Variants in FREM2 observed in about 807,000 individuals in gnomAD.
FREM2 encodes FRAS1 related extracellular matrix 2, also known as FRAS1-related extracellular matrix protein 2.
In FREM2, 119 loss-of-function variants were observed where a neutral mutation model predicts 219.9. The observed-to-expected ratio is 0.54, with a 90% CI of 0.47 to 0.63. FREM2 has a LOEUF of 0.63. Ranked by LOEUF, FREM2 falls within the 30% of genes least tolerant of loss-of-function variation. The probability of loss-of-function intolerance (pLI) is 0.00; values close to 1 mark genes in which losing one functional copy is unlikely to be tolerated. For missense variants in FREM2, 4,030 were observed against 3,993.6 expected (o/e 1.01, Z -0.25); for synonymous variants, 1,562 against 1,522.8 (o/e 1.03, Z -0.60).
intron 6 of FREM2, among the ~76,000 whole-genome samples, chr13:38,796,083 C>A (rs1343688778): frequency 6.6e-6 from 1 of 151,926 alleles, no homozygotes; most frequent in African/African-American, 2.4e-5. Context: ...AGGTGGCTGG[C>A]AAATCAGGTT....
rs1195117275 is a variant in FREM2, at chr13:38,687,722, C to G, written c.378C>G (p.Arg126=). 1.3e-6 allele frequency: 2 copies of G among 1,552,902 alleles called. No homozygotes were observed. The highest frequency in any genetic ancestry group is 1.8e-5 in the Admixed American group (1 of 54,134). The change falls in exon 1 of 24, where the codon CGC becomes CGG. Residue 126 remains arginine (R), a synonymous_variant. Coordinates refer to ENST00000280481, the MANE Select transcript of FREM2 (RefSeq NM_207361.6). ...AQRPGRLSPK[R]FPCDFGPGEV... is the part of the protein sequence containing the mutation. ...GACCGGGCCGCCTGAGTCCCAAGCG[C>G]TTCCCGTGCGACTTTGGCCCTGGCG...
chr13:38,767,366 A>G (rs922971757), intron 3 of FREM2, among the ~76,000 whole-genome samples: 4 of 152,206 alleles, frequency 2.6e-5, no homozygotes, highest in Non-Finnish European at 5.9e-5. Flanking sequence ...AACTCATTTA[A>G]TATCAGATGG....
rs759431142 is a variant in FREM2 at position 38,880,812 on chromosome 13, T to C, written c.*25T>C. 2.3e-5 allele frequency: 37 copies of C among 1,613,410 alleles called. No individual in the cohort carries two copies. In the Middle Eastern group the frequency reaches 4.9e-4, roughly 22 times the overall value. On this transcript the variant is annotated 3_prime_UTR_variant, in exon 24 of 24. Coordinates refer to ENST00000280481, the MANE Select transcript of FREM2 (RefSeq NM_207361.6). Reference sequence around the variant, plus strand: ...ATGACTGCAGGTAGAATTCAACCTTTTCCGTAAGTGCCTCGGAAAAGATCA... The same window carrying C: ...ATGACTGCAGGTAGAATTCAACCTTCTCCGTAAGTGCCTCGGAAAAGATCA...
Position 38,784,583 on chromosome 13 carries a change from TC to T in FREM2, c.5796del (p.Val1933CysfsTer31). ...AACAGCAACTGGAACTGTGCCGACT[TC>T]CGTGTTGTCTTACTCTGATTACATA... ...QGTATGTVPT[S>X]VLSYSDYISR... is the part of the protein sequence containing the mutation. On this transcript the variant is annotated frameshift_variant, in exon 6 of 24. Coordinates refer to ENST00000280481, the MANE Select transcript of FREM2 (RefSeq NM_207361.6). LOFTEE classifies it high-confidence loss of function. 6.2e-7 allele frequency: 1 copy of T among 1,614,178 alleles called. No homozygotes were observed. Among genetic ancestry groups the T allele is most frequent in the Non-Finnish European group, 8.5e-7 (1 of 1,180,004 alleles).
At chr13:38,855,994 C>T in intron 11 of FREM2, 132 bp from the exon 12 acceptor site, 1 of 623,688 alleles carries the variant, frequency 1.6e-6, no homozygotes, top group Non-Finnish European at 2.8e-6. Context: ...ACACACACAC[C>T]CAAATATACT....
chr13:38,846,670 G>A lies in FREM2; in HGVS notation c.6117G>A (p.Lys2039=), dbSNP rs1386822462. ...GGAGAACGGGCACTGACCTGTCCAAGTCTTCTAGTGTCACAGTGAGGTCTC... is the reference window on the plus strand; with the variant it reads ...GGAGAACGGGCACTGACCTGTCCAAATCTTCTAGTGTCACAGTGAGGTCTC... The part of the protein sequence containing the change: ...QVWRTGTDLS[K]SSSVTVRSRK... The change falls in exon 7 of 24, where the codon AAG becomes AAA. Residue 2039 remains lysine (K), a synonymous_variant. Transcript: ENST00000280481. 6.2e-7 allele frequency: 1 copy of A among 1,613,888 alleles called. No individual in the cohort carries two copies. The highest frequency in any genetic ancestry group is 1.1e-5 in the South Asian group (1 of 91,090).
At chr13:38,831,760 C>T (rs1876519641) in intron 6 of FREM2, among the ~76,000 whole-genome samples, 1 of 147,632 alleles carries the variant, frequency 6.8e-6, no homozygotes, top group Admixed American at 6.9e-5. Context: ...CAGGTGTGCA[C>T]CTCATGCCAG....
rs764651386 is a variant in FREM2, at chr13:38,687,539, G to A, written c.195G>A (p.Gly65=). Residue 65 remains glycine (G), a synonymous_variant, in exon 1 of 24, where the codon GGG becomes GGA. Coordinates refer to ENST00000280481, the MANE Select transcript of FREM2 (RefSeq NM_207361.6). ...LLSPGLAGAA[G]VPAEEAIVLA... ...CCCCTGGTCTCGCGGGGGCTGCAGG[G>A]GTCCCTGCTGAGGAGGCCATAGTGC... 2 of 1,601,034 alleles carry A rather than the reference G, an allele frequency of 1.2e-6. No homozygotes were observed. Among genetic ancestry groups the A allele is most frequent in the Admixed American group, 1.7e-5 (1 of 58,820 alleles).
intron 6 of FREM2, among the ~76,000 whole-genome samples, chr13:38,832,592 T>G (rs1266517016): frequency 6.6e-6 from 1 of 152,144 alleles, no homozygotes; most frequent in Admixed American, 6.5e-5. Context: ...TATAATAATT[T>G]TATACATACC....
intron 6 of FREM2, among the ~76,000 whole-genome samples, chr13:38,831,045 C>G (rs1195286648): frequency 6.6e-6 from 1 of 152,086 alleles, no homozygotes; most frequent in Non-Finnish European, 1.5e-5. Context: ...CTGTGACCAC[C>G]TTTGGGAAAC....
At chr13:38,785,986 CAT>C (rs894014098) in intron 6 of FREM2, among the ~76,000 whole-genome samples, 5 of 152,148 alleles carry the variant, frequency 3.3e-5, no homozygotes, top group African/African-American at 1.2e-4. Context: ...TGTTTAGACA[CAT>C]ATAAAATATA....
chr13:38,730,533 A>T (rs9548442), intron 2 of FREM2, among the ~76,000 whole-genome samples: 18,262 of 152,184 alleles, frequency 0.12, 1,290 homozygotes, highest in Middle Eastern at 0.24. Flanking sequence ...GGAATGTTGG[A>T]TTGCTGGAGA....
At chr13:38,761,801 C>T (rs1323909288) in intron 2 of FREM2, among the ~76,000 whole-genome samples, 1 of 152,014 alleles carries the variant, frequency 6.6e-6, no homozygotes, top group Non-Finnish European at 1.5e-5. Context: ...GGCAAGAGGA[C>T]AAGGGTGATG....
Position 38,784,853 on chromosome 13 carries a change from A to G in FREM2, c.6019+45A>G, listed in dbSNP as rs373712130. 5.3e-5 allele frequency: 85 copies of G among 1,597,236 alleles called. No homozygotes were observed. The African/African-American group carries it at 8.2e-4, about 15-fold the overall frequency. On this transcript the variant is annotated intron_variant, in intron 6 of 23. Transcript: ENST00000280481. ...AAAATTCTTTTTCCCGGGAAGATCAACATCAGGAACAACTTTCTAGACAGA... is the reference window on the plus strand; with the variant it reads ...AAAATTCTTTTTCCCGGGAAGATCAGCATCAGGAACAACTTTCTAGACAGA...
At chr13:38,838,817 A>C (rs1177395248) in intron 6 of FREM2, among the ~76,000 whole-genome samples, 3 of 151,952 alleles carry the variant, frequency 2.0e-5, no homozygotes, top group Non-Finnish European at 4.4e-5. Flanking sequence ...CCATCAGTTC[A>C]TTTATGTTCT....
Position 38,766,617 on chromosome 13 carries a change from C to T in FREM2, c.5410+2167C>T, listed in dbSNP as rs563365816. Among the ~76,000 whole-genome samples the T allele has an allele frequency of 2.0e-5, 3 of 152,246 alleles. No individual in the cohort carries two copies. In the East Asian group the frequency reaches 5.8e-4, roughly 29 times the overall value. The stretch of plus-strand genomic sequence containing the variant: ...TGCATTATAGCAAAAGACAGAGTAT[C>T]GCTTGAGTACAGCTAAGAAACCATG... On this transcript the variant is annotated intron_variant, in intron 3 of 23. Coordinates refer to ENST00000280481, the MANE Select transcript of FREM2 (RefSeq NM_207361.6).
At chr13:38,853,475 A>G (rs973327733) in intron 11 of FREM2, among the ~76,000 whole-genome samples, 1 of 152,206 alleles carries the variant, frequency 6.6e-6, no homozygotes, top group South Asian at 2.1e-4. Flanking sequence ...CCTACCTCTC[A>G]CTATCAAGAG....
At chr13:38,725,320 G>A (rs1057094049) in intron 2 of FREM2, among the ~76,000 whole-genome samples, 14 of 152,188 alleles carry the variant, frequency 9.2e-5, no homozygotes, top group Non-Finnish European at 1.6e-4. Context: ...TAGTAGACAA[G>A]TAAACAGGTA....
At chr13:38,710,667 A>G (rs1168022025) in intron 2 of FREM2, among the ~76,000 whole-genome samples, 1 of 152,236 alleles carries the variant, frequency 6.6e-6, no homozygotes, top group East Asian at 1.9e-4. Flanking sequence ...ACCACACGGC[A>G]CTTAGTAGGA....
Sources: allele counts gnomAD v4.1 joint callset (sites outside exome capture counted in the v4.1 genomes callset), GRCh38; gene constraint gnomAD v4.1.1; transcripts MANE v1.5; gene names NCBI Gene and HGNC (gene_info 2026-07-23, HGNC 2026-07-21).